ADAM28: variants seen among roughly 807,000 people sequenced by gnomAD.
The protein encoded by ADAM28 is disintegrin and metalloproteinase domain-containing protein 28.
ADAM28 carries 105 observed loss-of-function variants against 101.2 expected under a neutral mutation model. The ratio of observed to expected loss-of-function variants is 1.04; its 90% CI spans 0.89 to 1.22. ADAM28 has a LOEUF of 1.22. Ranked by LOEUF, ADAM28 falls within the 50% of genes most tolerant of loss-of-function variation. ADAM28 has a pLI of 0.00. For missense variants in ADAM28, 1,028 were observed against 945.4 expected (o/e 1.09, Z -1.15); for synonymous variants, 322 against 310.6 (o/e 1.04, Z -0.39).
At chr8:24,306,384 A>T (rs931656574) in intron 2 of ADAM28, among the ~76,000 whole-genome samples, 1 of 135,406 alleles carries the variant, frequency 7.4e-6, no homozygotes, top group Non-Finnish European at 1.6e-5. Flanking sequence ...ATATATATAT[A>T]TTTAAAAATA....
chr8:24,335,573 G>A lies in ADAM28; in HGVS notation c.1499G>A (p.Gly500Glu). ...GTCAATGGCTTCCCTTGCCATCACGGGAAGGGCCACTGCTTGATGGGGACA... is the reference window on the plus strand; with the variant it reads ...GTCAATGGCTTCCCTTGCCATCACGAGAAGGGCCACTGCTTGATGGGGACA... ...FQVNGFPCHH[G>E]KGHCLMGTCP... The change falls in exon 14 of 23, where the codon GGG (glycine) becomes GAG (glutamate). Residue 500 changes from glycine (G) to glutamate (E), a missense_variant. Coordinates refer to ENST00000265769, the MANE Select transcript of ADAM28 (RefSeq NM_014265.6). The A allele has an allele frequency of 1.2e-6, 2 of 1,613,880 alleles. No individual in the cohort carries two copies. Among genetic ancestry groups the A allele is most frequent in the South Asian group, 1.1e-5 (1 of 91,030 alleles).
At position 24,354,995 on chromosome 8, in the gene ADAM28, A is replaced by G. The variant is rs1246889877; in HGVS notation, c.*591A>G. On this transcript the variant is annotated 3_prime_UTR_variant, in exon 23 of 23. Coordinates refer to ENST00000265769, the MANE Select transcript of ADAM28 (RefSeq NM_014265.6). ...TATAATTAATTACTGGCATGGTTAA[A>G]GTGGTTTTCACTTTTTAAATGGAGA... is the stretch of plus-strand genomic sequence containing the variant. The G allele has an allele frequency of 6.6e-6, 1 of 152,612 alleles. No individual in the cohort carries two copies. The highest frequency in any genetic ancestry group is 1.5e-5 in the Non-Finnish European group (1 of 68,030). 9.5% of individuals were successfully genotyped at this position (152,612 alleles called of 1,614,324 possible). A position where few individuals can be genotyped will look rare whatever the true frequency, so the allele number is the denominator to read the frequency against.
chr8:24,352,445 C>T (rs922620305), intron 21 of ADAM28, among the ~76,000 whole-genome samples: 2 of 152,188 alleles, frequency 1.3e-5, no homozygotes, highest in African/African-American at 4.8e-5. Context: ...GGCTTGTAGA[C>T]AGCTGCCTTT....
intron 9 of ADAM28, among the ~76,000 whole-genome samples, chr8:24,324,282 TA>T (rs1173501384): frequency 6.6e-6 from 1 of 151,892 alleles, no homozygotes; most frequent in Non-Finnish European, 1.5e-5. Context: ...ATTCAGTGTT[TA>T]AAAAAACAAC....
Position 24,323,977 on chromosome 8 carries a change from G to A in ADAM28, c.864G>A (p.Lys288=), listed in dbSNP as rs748508615. The A allele has an allele frequency of 1.9e-6, 3 of 1,611,962 alleles. No individual in the cohort carries two copies. In the Admixed American group the frequency reaches 5.0e-5, roughly 27 times the overall value. Residue 288 remains lysine, a synonymous_variant, in exon 9 of 23, where the codon AAG becomes AAA. Transcript: ENST00000265769. The part of the protein sequence containing the change: ...KWRGSVLSRR[K]RHDIAQLITA... Reference sequence around the variant, plus strand: ...GGGGGAGTGTTCTCTCAAGAAGAAAGCGTCATGATATTGCTCAGTTAATCA... The same window carrying A: ...GGGGGAGTGTTCTCTCAAGAAGAAAACGTCATGATATTGCTCAGTTAATCA...
intron 16 of ADAM28, 92 bp downstream of exon 16, chr8:24,341,849 G>T: frequency 2.6e-6 from 4 of 1,530,066 alleles, no homozygotes; most frequent in Non-Finnish European, 3.6e-6. Flanking sequence ...TATGTGCCTT[G>T]TTTCCCGATT....
chr8:24,338,514 C>G (rs1814372411), intron 14 of ADAM28, among the ~76,000 whole-genome samples: 1 of 152,062 alleles, frequency 6.6e-6, no homozygotes, highest in Non-Finnish European at 1.5e-5. Flanking sequence ...ACTAATGATT[C>G]TTTTCTTCCA....
intron 10 of ADAM28, 123 bp downstream of exon 10, chr8:24,326,758 T>C: frequency 1.2e-6 from 1 of 846,850 alleles, no homozygotes; most frequent in Non-Finnish European, 1.8e-6. Flanking sequence ...ATAACACTGA[T>C]TGAATTTCAA....
At chr8:24,313,067 AC>A (rs1182125089) in intron 5 of ADAM28, among the ~76,000 whole-genome samples, 1 of 152,322 alleles carries the variant, frequency 6.6e-6, no homozygotes, top group East Asian at 1.9e-4. Flanking sequence ...TACCTTTAGA[AC>A]AAGTATAGCA....
At position 24,323,937 on chromosome 8, in the gene ADAM28, ATT is replaced by A; in HGVS notation, c.828_829del (p.Ser277Ter). The A allele has an allele frequency of 6.2e-7, 1 of 1,612,218 alleles. No individual in the cohort carries two copies. Among genetic ancestry groups the A allele is most frequent in the East Asian group, 2.2e-5 (1 of 44,796 alleles). On this transcript the variant is annotated frameshift_variant, in exon 9 of 23. Coordinates refer to ENST00000265769, the MANE Select transcript of ADAM28 (RefSeq NM_014265.6). LOFTEE classifies it high-confidence loss of function. Reference sequence around the variant, plus strand: ...CCAAATGCAAGCTTCACCTTGGAGAATTTTTCTAAATGGAGGGGGAGTGTTCT... The same window carrying A: ...CCAAATGCAAGCTTCACCTTGGAGAATTTCTAAATGGAGGGGGAGTGTTCT...
intron 14 of ADAM28, among the ~76,000 whole-genome samples, chr8:24,336,630 A>C (rs972159007): frequency 2.0e-5 from 3 of 151,870 alleles, no homozygotes; most frequent in African/African-American, 7.3e-5. Flanking sequence ...TTTATTAGAA[A>C]GTCAATTTTA....
chr8:24,310,453 C>T (rs1810305184), intron 4 of ADAM28: 3 of 470,194 alleles, frequency 6.4e-6, no homozygotes, highest in Non-Finnish European at 1.1e-5. Context: ...TAAGTTTTTC[C>T]AGCCTTTAAG....
At chr8:24,319,117 T>C (rs761643282) in intron 6 of ADAM28, among the ~76,000 whole-genome samples, 8 of 152,018 alleles carry the variant, frequency 5.3e-5, no homozygotes, top group Non-Finnish European at 7.4e-5. Flanking sequence ...AAGCACTTTT[T>C]TTCTATGCTC....
At chr8:24,313,714 G>T in intron 6 of ADAM28, 134 bp downstream of exon 6, 1 of 864,912 alleles carries the variant, frequency 1.2e-6, no homozygotes, top group Non-Finnish European at 1.7e-6. Context: ...CTTAAATATT[G>T]CTAGACATTA....
chr8:24,327,054 G>A (rs1333716643), intron 10 of ADAM28, among the ~76,000 whole-genome samples: 4 of 152,032 alleles, frequency 2.6e-5, no homozygotes, highest in African/African-American at 9.7e-5. Flanking sequence ...AGGGCAATCA[G>A]GCAAGAGAAA....
intron 10 of ADAM28, among the ~76,000 whole-genome samples, chr8:24,327,026 G>A (rs1023934777): frequency 6.6e-6 from 1 of 152,036 alleles, no homozygotes; most frequent in African/African-American, 2.4e-5. Context: ...ATTTAACATA[G>A]TATTGGAAGT....
chr8:24,353,716 TG>T, intron 21 of ADAM28, 53 bp from the exon 22 acceptor site: 1 of 1,114,016 alleles, frequency 9.0e-7, no homozygotes, highest in Non-Finnish European at 1.4e-6. Context: ...ATAGCTAAGA[TG>T]GGACAAGCAT....
chr8:24,315,895 GA>G (rs1811098506), intron 6 of ADAM28, among the ~76,000 whole-genome samples: 1 of 151,670 alleles, frequency 6.6e-6, no homozygotes, highest in African/African-American at 2.4e-5. Context: ...TCAACAGACT[GA>G]AAGACAAAAA....
chr8:24,341,126 G>C (rs1329484656), intron 15 of ADAM28: 1 of 152,524 alleles, frequency 6.6e-6, no homozygotes, highest in Non-Finnish European at 1.5e-5. Flanking sequence ...GCTAGAAATT[G>C]ATGTCTCAGA....
Sources: gnomAD v4.1 joint callset for allele counts (sites outside exome capture counted in the v4.1 genomes callset) on GRCh38, gnomAD v4.1.1 for gene constraint, MANE v1.5 for transcripts, NCBI Gene and HGNC (gene_info 2026-07-23, HGNC 2026-07-21) for gene names.